PRSS12: variants seen among roughly 807,000 people sequenced by gnomAD.
PRSS12 encodes the protein serine protease 12.
A neutral mutation model predicts 104.4 loss-of-function variants in PRSS12; 85 were observed. The observed-to-expected ratio is 0.81, with a 90% CI of 0.68 to 0.98. The LOEUF is 0.98. Among genes scored for constraint, PRSS12 ranks in the 50% least tolerant of loss-of-function variants. The pLI, the probability that PRSS12 is intolerant of heterozygous loss-of-function variation, is 0.00. For synonymous variants in PRSS12, 454 were observed against 425.2 expected, an observed-to-expected ratio of 1.07 and a Z score of -0.83; for missense variants, 1,141 against 1,139.2, an observed-to-expected ratio of 1.00 and a Z score of -0.02.
chr4:118,317,215 T>C (rs1344543432), intron 5 of PRSS12, among the ~76,000 whole-genome samples: 1 of 152,182 alleles, frequency 6.6e-6, no homozygotes. Flanking sequence ...AATACAGATC[T>C]GAATTTGAAT....
chr4:118,330,842 A>C (rs1196984247), intron 4 of PRSS12, among the ~76,000 whole-genome samples: 1 of 152,184 alleles, frequency 6.6e-6, no homozygotes, highest in Non-Finnish European at 1.5e-5. Flanking sequence ...TTTGAAAGAG[A>C]GCCAATTATT....
In PRSS12 at chr4:118,337,560, A is replaced by T. The variant is rs184771748; in HGVS notation, c.641+616T>A. Among the ~76,000 whole-genome samples, 816 of 152,208 alleles carry T rather than the reference A, an allele frequency of 5.4e-3. 8 individuals are homozygous for T. The highest frequency in any genetic ancestry group is 0.018 in the African/African-American group (756 of 41,544). On this transcript the variant is annotated intron_variant, in intron 2 of 12. Transcript: ENST00000296498. ...GTTCCCAGGCTGACAGCTCCTCAGG[A>T]CAGCAGGACACTGCCAGAGCTAACA... is the stretch of plus-strand genomic sequence containing the variant.
chr4:118,292,785 C>T (rs1019998886), intron 11 of PRSS12, among the ~76,000 whole-genome samples: 8 of 152,042 alleles, frequency 5.3e-5, no homozygotes, highest in East Asian at 1.9e-4. Flanking sequence ...GGAAGCAAGG[C>T]GGGCAGATCA....
At position 118,281,914 on chromosome 4, in the gene PRSS12, G is replaced by A. The variant is rs765853490; in HGVS notation, c.*22C>T. ...AAAGTTTTCCATTTGTTTAAATGCTGCTTTGAAGTTTCCATGAAGAATTAC... is the reference window on the plus strand; with the variant it reads ...AAAGTTTTCCATTTGTTTAAATGCTACTTTGAAGTTTCCATGAAGAATTAC... On this transcript the variant is annotated 3_prime_UTR_variant, in exon 13 of 13. Transcript: ENST00000296498. 9.6e-7 allele frequency: 1 copy of A among 1,041,116 alleles called. No homozygotes were observed. The highest frequency in any genetic ancestry group is 1.7e-5 in the Admixed American group (1 of 59,322). The allele number at this position is 1,041,116 out of a possible 1,614,324, so 64.5% of individuals were successfully genotyped here.
chr4:118,344,429 A>G (rs1328912111), intron 1 of PRSS12, among the ~76,000 whole-genome samples: 1 of 152,164 alleles, frequency 6.6e-6, no homozygotes, highest in Non-Finnish European at 1.5e-5. Flanking sequence ...GTACTAAGTT[A>G]TACTATTTTC....
At chr4:118,303,122 A>G (rs1044563876) in intron 8 of PRSS12, among the ~76,000 whole-genome samples, 4 of 152,124 alleles carry the variant, frequency 2.6e-5, no homozygotes, top group Admixed American at 2.6e-4. Context: ...TTAAGAAAGT[A>G]TGTTTCAGTA....
intron 11 of PRSS12, among the ~76,000 whole-genome samples, chr4:118,286,287 C>T (rs1425616501): frequency 1.3e-5 from 2 of 152,170 alleles, no homozygotes; most frequent in Non-Finnish European, 1.5e-5. Context: ...CCTTGTTCCC[C>T]TCTCTGATAC....
intron 7 of PRSS12, chr4:118,312,906 G>C (rs1743785773): frequency 9.8e-6 from 4 of 408,188 alleles, no homozygotes; most frequent in Admixed American, 3.9e-5. Context: ...AAGGGGAATA[G>C]ATACTGCAGC....
chr4:118,284,524 A>C (rs1052925064), intron 11 of PRSS12, among the ~76,000 whole-genome samples: 6 of 152,228 alleles, frequency 3.9e-5, no homozygotes, highest in Admixed American at 6.5e-5. Flanking sequence ...TTACAATGTA[A>C]AACCTAGACC....
In PRSS12 at chr4:118,316,343, C is replaced by A; in HGVS notation, c.1151-20G>T. Reference sequence around the variant, plus strand: ...CCCCATCTGTGATAAAGAGGAGACACAGAGACTAAGCAAATCAACTTTCAA... The same window carrying A: ...CCCCATCTGTGATAAAGAGGAGACAAAGAGACTAAGCAAATCAACTTTCAA... On this transcript the variant is annotated intron_variant, in intron 5 of 12. Coordinates refer to ENST00000296498, the MANE Select transcript of PRSS12 (RefSeq NM_003619.4). The A allele has an allele frequency of 6.2e-7, 1 of 1,613,820 alleles. No individual in the cohort carries two copies. Among genetic ancestry groups the A allele is most frequent in the Non-Finnish European group, 8.5e-7 (1 of 1,179,966 alleles).
intron 8 of PRSS12, among the ~76,000 whole-genome samples, chr4:118,299,357 A>AT (rs1046327780): frequency 6.6e-6 from 1 of 152,144 alleles, no homozygotes; most frequent in Non-Finnish European, 1.5e-5. Flanking sequence ...GTAAGAACTA[A>AT]TTTTTTTGCC....
chr4:118,342,556 A>C (rs532698552), intron 1 of PRSS12, among the ~76,000 whole-genome samples: 3 of 152,268 alleles, frequency 2.0e-5, no homozygotes, highest in Admixed American at 2.0e-4. Flanking sequence ...TTAAAGTCTC[A>C]AGCAGAGGTT....
chr4:118,316,073 G>A, intron 6 of PRSS12, 109 bp downstream of exon 6: 2 of 1,226,098 alleles, frequency 1.6e-6, no homozygotes, highest in Non-Finnish European at 2.3e-6. Flanking sequence ...ACAGGTAGGA[G>A]AGAACAGGTA....
chr4:118,291,532 T>C (rs539102716), intron 11 of PRSS12, among the ~76,000 whole-genome samples: 1 of 152,256 alleles, frequency 6.6e-6, no homozygotes, highest in Non-Finnish European at 1.5e-5. Context: ...CCCTTTAACA[T>C]TTGTGGTATC....
intron 11 of PRSS12, among the ~76,000 whole-genome samples, chr4:118,284,887 G>C (rs931929695): frequency 1.3e-5 from 2 of 152,226 alleles, no homozygotes; most frequent in African/African-American, 4.8e-5. Context: ...CAAAACTTGG[G>C]TCTTTTATTG....
intron 1 of PRSS12, among the ~76,000 whole-genome samples, chr4:118,342,903 A>G (rs1724253749): frequency 6.6e-6 from 1 of 152,216 alleles, no homozygotes; most frequent in Admixed American, 6.5e-5. Context: ...AAAACATAAA[A>G]GGTTCATGTA....
chr4:118,347,980 A>T (rs1376802940), intron 1 of PRSS12, among the ~76,000 whole-genome samples: 1 of 152,224 alleles, frequency 6.6e-6, no homozygotes. Context: ...CTGTAATTCC[A>T]GTACTCTGGG....
At chr4:118,338,689 A>G (rs1213008448) in intron 1 of PRSS12, among the ~76,000 whole-genome samples, 1 of 152,202 alleles carries the variant, frequency 6.6e-6, no homozygotes, top group Non-Finnish European at 1.5e-5. Flanking sequence ...AATAGATTAC[A>G]TCACATATGA....
intron 4 of PRSS12, among the ~76,000 whole-genome samples, chr4:118,327,134 C>T (rs969005642): frequency 1.3e-5 from 2 of 151,976 alleles, no homozygotes; most frequent in Admixed American, 6.6e-5. Flanking sequence ...TTTAATGAAC[C>T]GTAAAATAAA....
Sources: allele counts gnomAD v4.1 joint callset (sites outside exome capture counted in the v4.1 genomes callset), GRCh38; gene constraint gnomAD v4.1.1; transcripts MANE v1.5; gene names NCBI Gene and HGNC (gene_info 2026-07-23, HGNC 2026-07-21).